The following NBEA variants were observed in gnomAD, a reference collection of about 807,000 sequenced individuals.
NBEA encodes lysosomal-trafficking regulator 2.
NBEA carries 44 observed loss-of-function variants against 343.4 expected under a neutral mutation model. The observed-to-expected ratio is 0.13, with a 90% CI of 0.10 to 0.16. NBEA has a LOEUF of 0.16. Ranked by LOEUF, NBEA falls within the 10% of genes least tolerant of loss-of-function variation. The pLI is 1.00. For missense variants in NBEA, 2,555 were observed against 3,631.3 expected, an observed-to-expected ratio of 0.70 and a Z score of 7.62; for synonymous variants, 1,175 against 1,238.7, an observed-to-expected ratio of 0.95 and a Z score of 1.08.
At chr13:35,128,756 C>G (rs1408593335) in intron 17 of NBEA, among the ~76,000 whole-genome samples, 1 of 152,058 alleles carries the variant, frequency 6.6e-6, no homozygotes, top group Non-Finnish European at 1.5e-5. Context: ...AAACTGTGTA[C>G]CCAGTGAAGT....
At chr13:35,452,379 A>C in intron 40 of NBEA, 144 bp downstream of exon 40, 12 of 642,562 alleles carry the variant, frequency 1.9e-5, no homozygotes, top group Admixed American at 3.1e-5. Flanking sequence ...ACTTTATCTC[A>C]TTTCTAATAT....
chr13:35,140,446 G>A (rs2068023573), intron 17 of NBEA, among the ~76,000 whole-genome samples: 1 of 152,130 alleles, frequency 6.6e-6, no homozygotes, highest in African/African-American at 2.4e-5. Context: ...TCTTGGGCGA[G>A]GCTTGAGTTG....
intron 40 of NBEA, among the ~76,000 whole-genome samples, chr13:35,462,202 A>G (rs756338033): frequency 5.3e-5 from 8 of 152,218 alleles, no homozygotes; most frequent in Non-Finnish European, 1.2e-4. Context: ...TGCTTAGAGT[A>G]AAAAGACACA....
intron 18 of NBEA, among the ~76,000 whole-genome samples, chr13:35,155,109 G>A (rs1480742181): frequency 7.6e-6 from 1 of 131,482 alleles, no homozygotes; most frequent in East Asian, 2.4e-4. Flanking sequence ...CAGCCTGGGG[G>A]TACCATAGTG....
chr13:35,460,674 G>A (rs1477009010), intron 40 of NBEA, among the ~76,000 whole-genome samples: 1 of 151,922 alleles, frequency 6.6e-6, no homozygotes, highest in African/African-American at 2.4e-5. Context: ...AACACTATAA[G>A]GTACTCTTAA....
chr13:35,039,249 C>T (rs1420534545), intron 1 of NBEA, among the ~76,000 whole-genome samples: 7 of 119,070 alleles, frequency 5.9e-5, no homozygotes, highest in Non-Finnish European at 1.0e-4. Flanking sequence ...GGAGGGGTGG[C>T]GTCAGAGACT....
In NBEA at chr13:35,447,674, G is replaced by A. The variant is rs545627751; in HGVS notation, c.6305-4418G>A. ...TATTTTAATGTTTTCATAGGCAATA[G>A]CATATATGTCTATCCTACCCAGCTT... On this transcript the variant is annotated intron_variant, in intron 39 of 58. Transcript: ENST00000379939. Among the ~76,000 whole-genome samples the A allele has an allele frequency of 7.2e-5, 11 of 152,106 alleles. No homozygotes were observed. In the South Asian group the frequency reaches 2.3e-3, roughly 32 times the overall value.
In NBEA at chr13:35,000,790, GT is replaced by G. The variant is rs201797408; in HGVS notation, c.295-40136del. 6.3e-3 allele frequency among the ~76,000 whole-genome samples: 949 copies of G among 150,760 alleles called. 5 individuals carry two copies. The highest frequency in any genetic ancestry group is 9.9e-3 in the Non-Finnish European group (673 of 67,924). On this transcript the variant is annotated intron_variant, in intron 1 of 58. Transcript: ENST00000379939. ...ATTAAAAATGCCATCACATATTATT[GT>G]TTTTTTAAAAACCTAAAGAAGTTTA...
At chr13:35,079,979 G>A (rs1013626101) in intron 10 of NBEA, among the ~76,000 whole-genome samples, 1 of 152,062 alleles carries the variant, frequency 6.6e-6, no homozygotes, top group African/African-American at 2.4e-5. Flanking sequence ...CCATACTAAA[G>A]ACATAGTAGT....
At chr13:35,356,998 T>C (rs2040527114) in intron 38 of NBEA, among the ~76,000 whole-genome samples, 1 of 152,178 alleles carries the variant, frequency 6.6e-6, no homozygotes, top group Admixed American at 6.6e-5. Flanking sequence ...TGGCATATAA[T>C]TTACTGTTTA....
chr13:35,313,863 G>A (rs73169731), intron 36 of NBEA, among the ~76,000 whole-genome samples: 2,406 of 152,228 alleles, frequency 0.016, 37 homozygotes, highest in South Asian at 0.058. Context: ...CAAGTACTTC[G>A]CTAAAGAAAT....
At chr13:35,139,744 G>GTTTTTTTTTTTTTTTTTTTTTT (rs36117821) in intron 17 of NBEA, among the ~76,000 whole-genome samples, 2 of 61,118 alleles carry the variant, frequency 3.3e-5, no homozygotes, top group South Asian at 5.9e-4. Flanking sequence ...GATGGATGGC[G>GTTTTTTTTTTTTTTTTTTTTTT]TTTTTTTTTT....
intron 39 of NBEA, among the ~76,000 whole-genome samples, chr13:35,440,771 G>T (rs1274953901): frequency 1.3e-5 from 2 of 151,714 alleles, no homozygotes; most frequent in Non-Finnish European, 3.0e-5. Flanking sequence ...ATAAGTGATA[G>T]ATAGAGCTAA....
At chr13:35,157,396 G>T in intron 21 of NBEA, 126 bp downstream of exon 21, 1 of 724,900 alleles carries the variant, frequency 1.4e-6, no homozygotes, top group Non-Finnish European at 2.0e-6. Context: ...TCTCAGTTTT[G>T]TATTTTTCCC....
chr13:35,035,551 C>G (rs1032483206), intron 1 of NBEA, among the ~76,000 whole-genome samples: 1 of 151,900 alleles, frequency 6.6e-6, no homozygotes, highest in African/African-American at 2.4e-5. Flanking sequence ...CAGATGAATT[C>G]TGATGTTTCT....
intron 10 of NBEA, among the ~76,000 whole-genome samples, chr13:35,096,762 T>C (rs1465140209): frequency 6.6e-6 from 1 of 151,940 alleles, no homozygotes; most frequent in African/African-American, 2.4e-5. Context: ...AGGTGTAATA[T>C]AGTACTTAGC....
At chr13:35,475,025 G>T (rs2075799014) in intron 41 of NBEA, 4 of 1,591,058 alleles carry the variant, frequency 2.5e-6, no homozygotes, top group South Asian at 2.3e-5. Flanking sequence ...ACTTTGAGAA[G>T]GGTAATAATT....
At chr13:35,167,874 C>T (rs890599660) in intron 24 of NBEA, among the ~76,000 whole-genome samples, 1 of 151,730 alleles carries the variant, frequency 6.6e-6, no homozygotes, top group African/African-American at 2.4e-5. Flanking sequence ...TTTAAGTTGA[C>T]CACTTTAGTC....
At chr13:35,043,703 T>G (rs146140217) in intron 2 of NBEA, among the ~76,000 whole-genome samples, 6 of 152,120 alleles carry the variant, frequency 3.9e-5, no homozygotes, top group African/African-American at 1.4e-4. Flanking sequence ...ATTATTTAAT[T>G]ATTAATTGAT....
Sources: allele counts gnomAD v4.1 joint callset (sites outside exome capture counted in the v4.1 genomes callset), GRCh38; gene constraint gnomAD v4.1.1; transcripts MANE v1.5; gene names NCBI Gene and HGNC (gene_info 2026-07-23, HGNC 2026-07-21).